Variants in AGMO observed in about 807,000 individuals in gnomAD.
AGMO encodes the protein glyceryl-ether monooxygenase.
Under a neutral mutation model 60.2 loss-of-function variants are expected in AGMO, and 75 were observed. That is an observed-to-expected ratio of 1.25 (90% CI 1.03 to 1.51). AGMO has a LOEUF of 1.51. AGMO is among the 40% of genes most tolerant of loss of function. AGMO has a pLI of 0.00. For synonymous variants in AGMO, 261 were observed against 177.1 expected (o/e 1.47, Z -3.76); for missense variants, 763 against 525.5 (o/e 1.45, Z -4.42).
At chr7:15,483,372 C>A (rs1327535552) in intron 3 of AGMO, among the ~76,000 whole-genome samples, 1 of 152,044 alleles carries the variant, frequency 6.6e-6, no homozygotes. Context: ...TGAGACCATC[C>A]TGGCTAACAC....
chr7:15,142,051 C>G, the AGMO span, among the ~76,000 whole-genome samples: 1 of 152,104 alleles, frequency 6.6e-6, no homozygotes, highest in Admixed American at 6.5e-5. Flanking sequence ...AGGTATTCAT[C>G]GAGCTCTAAT....
chr7:15,267,773 G>A (rs1343579610), intron 12 of AGMO, among the ~76,000 whole-genome samples: 2 of 151,878 alleles, frequency 1.3e-5, no homozygotes, highest in Non-Finnish European at 2.9e-5. Flanking sequence ...GGAAAAACTT[G>A]TAACAAAATG....
intron 12 of AGMO, among the ~76,000 whole-genome samples, chr7:15,229,619 C>G (rs1782192039): frequency 6.7e-6 from 1 of 148,552 alleles, no homozygotes; most frequent in African/African-American, 2.4e-5. Flanking sequence ...AACTTTCACC[C>G]ATTTCAAGTT....
At chr7:15,412,466 A>G (rs536265225) in intron 5 of AGMO, among the ~76,000 whole-genome samples, 3 of 152,168 alleles carry the variant, frequency 2.0e-5, no homozygotes, top group Admixed American at 6.6e-5. Flanking sequence ...GAGCCATAAT[A>G]TCTGCATACA....
chr7:15,380,003 A>G lies in AGMO; in HGVS notation c.1074+5443T>C, dbSNP rs569667696. On this transcript the variant is annotated intron_variant, in intron 10 of 12. Transcript: ENST00000342526. ...TTCAATAAACTAGGTATTGAAGGAAATTGCCTCAAAATAAAAAGATCCATA... is the reference window on the plus strand; with the variant it reads ...TTCAATAAACTAGGTATTGAAGGAAGTTGCCTCAAAATAAAAAGATCCATA... Among the ~76,000 whole-genome samples, 39 of 152,202 alleles carry G rather than the reference A, an allele frequency of 2.6e-4. No individual in the cohort carries two copies. In the East Asian group the frequency reaches 6.2e-3, roughly 24 times the overall value.
chr7:15,360,609 C>G (rs574358456), intron 12 of AGMO, among the ~76,000 whole-genome samples: 2 of 152,064 alleles, frequency 1.3e-5, no homozygotes, highest in South Asian at 4.2e-4. Flanking sequence ...TGGGTTTGGC[C>G]TTGCTATCTC....
chr7:15,284,871 T>A (rs1452092090), intron 12 of AGMO, among the ~76,000 whole-genome samples: 1 of 151,798 alleles, frequency 6.6e-6, no homozygotes, highest in East Asian at 1.9e-4. Context: ...ATCAAAAAGA[T>A]AATAAATCAT....
chr7:15,294,575 A>G (rs1563073568), intron 12 of AGMO, among the ~76,000 whole-genome samples: 1 of 152,008 alleles, frequency 6.6e-6, no homozygotes, highest in African/African-American at 2.4e-5. Context: ...AGGTCTTAAA[A>G]TAATACTACA....
rs1012490821 is a variant in AGMO, at chr7:15,366,837, T to C, written c.1075-615A>G. ...TAAACTAAATTAAAACTTACTGATATATTGGACTTTGAGCCAAGGGAAAGA... is the reference window on the plus strand; with the variant it reads ...TAAACTAAATTAAAACTTACTGATACATTGGACTTTGAGCCAAGGGAAAGA... On this transcript the variant is annotated intron_variant, in intron 10 of 12. Coordinates refer to ENST00000342526, the MANE Select transcript of AGMO (RefSeq NM_001004320.2). Among the ~76,000 whole-genome samples the C allele has an allele frequency of 2.6e-5, 4 of 152,042 alleles. No homozygotes were observed. In the East Asian group the frequency reaches 7.7e-4, roughly 29 times the overall value.
At chr7:15,436,831 C>T (rs987109187) in intron 3 of AGMO, among the ~76,000 whole-genome samples, 5 of 152,070 alleles carry the variant, frequency 3.3e-5, no homozygotes, top group African/African-American at 4.8e-5. Context: ...TCTTTGGTAA[C>T]TTCCATATGT....
intron 9 of AGMO, 119 bp from the exon 10 acceptor site, chr7:15,385,681 A>C (rs1435900143): frequency 1.5e-5 from 10 of 674,356 alleles, no homozygotes; most frequent in Non-Finnish European, 2.3e-5. Flanking sequence ...AGACAAACAT[A>C]ATTTTTAAAA....
intron 5 of AGMO, 60 bp downstream of exon 5, chr7:15,418,498 C>T: frequency 9.5e-7 from 1 of 1,053,264 alleles, no homozygotes; most frequent in East Asian, 2.5e-5. Flanking sequence ...TAGTGGATTT[C>T]CAGGACATTG....
chr7:15,327,043 T>A (rs1781358686), intron 12 of AGMO, among the ~76,000 whole-genome samples: 1 of 152,146 alleles, frequency 6.6e-6, no homozygotes. Flanking sequence ...CATATAATAT[T>A]TGTAATTTTG....
chr7:15,199,159 A>C (rs1781208900), downstream of AGMO, among the ~76,000 whole-genome samples: 1 of 152,160 alleles, frequency 6.6e-6, no homozygotes, highest in African/African-American at 2.4e-5. Context: ...TCATTGTCTT[A>C]ATTTTTTCAC....
chr7:15,128,490 A>G, the AGMO span, among the ~76,000 whole-genome samples: 1 of 152,210 alleles, frequency 6.6e-6, no homozygotes, highest in South Asian at 2.1e-4. Context: ...GTGATAATTC[A>G]TTTGAATGCG....
intron 12 of AGMO, among the ~76,000 whole-genome samples, chr7:15,260,563 A>T (rs1563058739): frequency 6.6e-6 from 1 of 152,160 alleles, no homozygotes; most frequent in Non-Finnish European, 1.5e-5. Context: ...CAACACAATA[A>T]TAGTGGGGGA....
chr7:15,554,401 T>C (rs990186419), intron 2 of AGMO, among the ~76,000 whole-genome samples: 6 of 152,062 alleles, frequency 3.9e-5, no homozygotes, highest in African/African-American at 1.4e-4. Flanking sequence ...TTTTATGCCT[T>C]AAGTTTGAAT....
chr7:15,369,298 C>G (rs907625331), intron 10 of AGMO, among the ~76,000 whole-genome samples: 1 of 152,074 alleles, frequency 6.6e-6, no homozygotes, highest in South Asian at 2.1e-4. Flanking sequence ...TCCTTTTAAG[C>G]TTATGTGAGA....
chr7:15,125,520 T>A, the AGMO span, among the ~76,000 whole-genome samples: 1 of 152,146 alleles, frequency 6.6e-6, no homozygotes, highest in Non-Finnish European at 1.5e-5. Context: ...ATCTACAGAA[T>A]GCTTTAGCTA....
Sources: allele counts gnomAD v4.1 joint callset (sites outside exome capture counted in the v4.1 genomes callset), GRCh38; gene constraint gnomAD v4.1.1; transcripts MANE v1.5; gene names NCBI Gene and HGNC (gene_info 2026-07-23, HGNC 2026-07-21).